The following KRT77 variants were observed in gnomAD, a reference collection of about 807,000 sequenced individuals.
KRT77 encodes the protein keratin 77, also known as keratin, type II cytoskeletal 1b.
A neutral mutation model predicts 51.5 loss-of-function variants in KRT77; 44 were observed. That is an observed-to-expected ratio of 0.85 (90% CI 0.67 to 1.10). The LOEUF (loss-of-function observed/expected upper bound fraction) is 1.10, where lower values mean the gene tolerates loss of function less well. Among genes scored for constraint, KRT77 ranks in the 50% least tolerant of loss-of-function variants. The pLI is 0.00. For missense variants in KRT77, 763 were observed against 743.9 expected (o/e 1.03, Z -0.30); for synonymous variants, 293 against 302.0 (o/e 0.97, Z 0.31).
intron 1 of KRT77, among the ~76,000 whole-genome samples, chr12:52,702,418 CAT>C (rs1491462486): frequency 2.0e-5 from 3 of 147,516 alleles, no homozygotes; most frequent in East Asian, 2.0e-4. Context: ...TGTGTGTGTG[CAT>C]GTGTGTGTGT....
Position 52,696,431 on chromosome 12 carries a change from C to T in KRT77, c.759-1G>A, listed in dbSNP as rs1361369832. On this transcript the variant is annotated splice_acceptor_variant, in intron 2 of 8. Coordinates refer to ENST00000341809, the MANE Select transcript of KRT77 (RefSeq NM_175078.3). LOFTEE classifies it high-confidence loss of function. ...CCTCTTGTTGATTTCATCCTCATAC[C>T]TGTCAGGCGAGGCAAAGGAGCACAG... is the stretch of plus-strand genomic sequence containing the variant. 1.9e-6 allele frequency: 3 copies of T among 1,614,090 alleles called. No homozygotes were observed. Among genetic ancestry groups the T allele is most frequent in the South Asian group, 1.1e-5 (1 of 91,088 alleles).
In KRT77 at chr12:52,702,993, G is replaced by A; in HGVS notation, c.442C>T (p.Pro148Ser). 6.2e-7 allele frequency: 1 copy of A among 1,613,948 alleles called. No individual in the cohort carries two copies. Among genetic ancestry groups the A allele is most frequent in the Non-Finnish European group, 8.5e-7 (1 of 1,179,998 alleles). The change falls in exon 1 of 9, where the codon CCA becomes TCA. Residue 148 changes from proline to serine, a missense_variant. Coordinates refer to ENST00000341809, the MANE Select transcript of KRT77 (RefSeq NM_175078.3). ...TCAGGGTCCACCTCCAGGTGAAGTG[G>A]CTCTAGGAGGCTCTGGTTAATGGTC... ...EVTINQSLLEPLHLEVDPEIQ... is the reference protein window; with the variant it reads ...EVTINQSLLESLHLEVDPEIQ...
chr12:52,703,425 G>A lies in KRT77; in HGVS notation c.10C>T (p.Gln4Ter). Residue 4 changes from glutamine (Q) to a stop codon, truncating the protein, a stop_gained, in exon 1 of 9, where the codon CAA becomes TAA. Transcript: ENST00000341809. LOFTEE classifies it high-confidence loss of function. ...CTAAACGCGGACTGAGAACTAAATT[G>A]GTGGCTCATGTTTGCTGGAGCATCC... MSH[Q>*]FSSQSAFSSM... is the part of the protein sequence containing the mutation. 4 of 1,573,854 alleles carry A rather than the reference G, an allele frequency of 2.5e-6. No homozygotes were observed. Among genetic ancestry groups the A allele is most frequent in the Non-Finnish European group, 3.5e-6 (4 of 1,154,942 alleles).
chr12:52,697,715 C>T lies in KRT77; in HGVS notation c.725G>A (p.Ser242Asn), dbSNP rs868383654. 3 of 1,614,066 alleles carry T rather than the reference C, an allele frequency of 1.9e-6. No individual in the cohort carries two copies. The South Asian group carries it at 3.3e-5, about 18-fold the overall frequency. ...EQMRQNAEVR[S>N]MQDVVEDYKS... Reference sequence around the variant, plus strand: ...GTAGTCCTCCACGACATCCTGCATGCTCCTGACCTCCGCGTTCTGGCGCAT... The same window carrying T: ...GTAGTCCTCCACGACATCCTGCATGTTCCTGACCTCCGCGTTCTGGCGCAT... Residue 242 changes from serine (S) to asparagine (N), a missense_variant, in exon 2 of 9, where the codon AGC (serine) becomes AAC (asparagine). Physicochemically the swap from Ser to Asn is conservative, Grantham distance 46. Coordinates refer to ENST00000341809, the MANE Select transcript of KRT77 (RefSeq NM_175078.3).
chr12:52,694,695 T>G lies in KRT77; in HGVS notation c.1011A>C (p.Ala337=). Residue 337 remains alanine, a synonymous_variant, in exon 5 of 9, where the codon GCA becomes GCC. Coordinates refer to ENST00000341809, the MANE Select transcript of KRT77 (RefSeq NM_175078.3). The stretch of plus-strand genomic sequence containing the variant: ...CAATCAGTTCATACTGGGTCCGCAC[T>G]GCATCGATGATGCTGTCCAGGTCCA... ...RSLDLDSIID[A]VRTQYELIAQ... The G allele has an allele frequency of 6.2e-7, 1 of 1,613,794 alleles. No individual in the cohort carries two copies. The highest frequency in any genetic ancestry group is 8.5e-7 in the Non-Finnish European group (1 of 1,179,672).
At position 52,690,913 on chromosome 12, in the gene KRT77, G is replaced by C. The variant is rs1941693549; in HGVS notation, c.*252C>G. On this transcript the variant is annotated 3_prime_UTR_variant, in exon 9 of 9. Coordinates refer to ENST00000341809, the MANE Select transcript of KRT77 (RefSeq NM_175078.3). ...AAAGGTGGGAGCAGGAACAGCAGCA[G>C]GGCCAGCAGAGCGGGGTCTGAGTGA... 1 of 580,880 alleles carries C rather than the reference G, an allele frequency of 1.7e-6. No homozygotes were observed. The highest frequency in any genetic ancestry group is 3.0e-6 in the Non-Finnish European group (1 of 332,028). The allele number at this position is 580,880 out of a possible 1,614,324, so 36.0% of individuals were successfully genotyped here.
At position 52,694,630 on chromosome 12, in the gene KRT77, G is replaced by A; in HGVS notation, c.1076C>T (p.Thr359Ile). 12 of 1,596,926 alleles carry A rather than the reference G, an allele frequency of 7.5e-6. No individual in the cohort carries two copies. Among genetic ancestry groups the A allele is most frequent in the Non-Finnish European group, 1.0e-5 (12 of 1,169,320 alleles). ...AGATCTGGGGGCCACGCCCACCTTGGTCTGGTACAGGGCTTCGGCCTCGTC... is the reference window on the plus strand; with the variant it reads ...AGATCTGGGGGCCACGCCCACCTTGATCTGGTACAGGGCTTCGGCCTCGTC... ...SKDEAEALYQ[T>I]KYQELQITAG... Residue 359 changes from threonine to isoleucine, a missense_variant, in exon 5 of 9, where the codon ACC (threonine) becomes ATC (isoleucine). Coordinates refer to ENST00000341809, the MANE Select transcript of KRT77 (RefSeq NM_175078.3).
Position 52,696,392 on chromosome 12 carries a change from T to C in KRT77, c.797A>G (p.Asn266Ser), listed in dbSNP as rs1240034974. 6.2e-7 allele frequency: 1 copy of C among 1,614,240 alleles called. No homozygotes were observed. The highest frequency in any genetic ancestry group is 8.5e-7 in the Non-Finnish European group (1 of 1,180,028). ...DEINKRTGSE[N>S]DFVVLKKDVD... ...CACCTTCTTCAGGACGACAAAGTCATTCTCGCTGCCAGTCCTCTTGTTGAT... is the reference window on the plus strand; with the variant it reads ...CACCTTCTTCAGGACGACAAAGTCACTCTCGCTGCCAGTCCTCTTGTTGAT... Residue 266 changes from asparagine (N) to serine (S), a missense_variant, in exon 3 of 9, where the codon AAT (asparagine) becomes AGT (serine). Transcript: ENST00000341809.
intron 1 of KRT77, among the ~76,000 whole-genome samples, chr12:52,701,633 G>A (rs1029162190): frequency 7.2e-5 from 11 of 152,218 alleles, no homozygotes; most frequent in African/African-American, 1.7e-4. Context: ...GCTAGTGGCC[G>A]CTGTGCCTCG....
intron 2 of KRT77, among the ~76,000 whole-genome samples, chr12:52,697,103 T>A (rs1401340866): frequency 1.3e-5 from 2 of 152,224 alleles, no homozygotes; most frequent in Admixed American, 1.3e-4. Context: ...GCCACAATAC[T>A]AAGAACTTAT....
At chr12:52,697,248 G>A (rs1276065838) in intron 2 of KRT77, among the ~76,000 whole-genome samples, 1 of 152,172 alleles carries the variant, frequency 6.6e-6, no homozygotes, top group East Asian at 1.9e-4. Context: ...AAAACTCAGG[G>A]GGCAGAGCCC....
intron 5 of KRT77, among the ~76,000 whole-genome samples, chr12:52,694,215 ACTAT>A (rs67681032): frequency 0.41 from 62,088 of 151,602 alleles, 12,912 homozygotes; most frequent in South Asian, 0.45. Flanking sequence ...CTCACACACT[ACTAT>A]CTATTATAAA....
chr12:52,692,839 G>T lies in KRT77; in HGVS notation c.1122C>A (p.Asp374Glu), dbSNP rs749230231. ...LQITAGRHGD[D>E]LKNSKMEIAE... ...CAATCTCCATCTTGCTGTTCTTCAG[G>T]TCGTCTCCATGTCTCCCTGCCGTGA... Residue 374 changes from aspartate (D) to glutamate (E), a missense_variant, in exon 6 of 9, where the codon GAC becomes GAA. Asp to Glu is a conservative substitution (Grantham distance 45). Transcript: ENST00000341809. The T allele has an allele frequency of 5.6e-6, 9 of 1,603,884 alleles. No homozygotes were observed. The highest frequency in any genetic ancestry group is 1.7e-4 in the Middle Eastern group (1 of 6,034).
chr12:52,694,832 C>A, intron 4 of KRT77, 42 bp from the exon 5 acceptor site: 2 of 1,496,174 alleles, frequency 1.3e-6, no homozygotes, highest in Non-Finnish European at 1.8e-6. Context: ...CCATTCTCCT[C>A]TGGGGGCCTC....
At position 52,696,449 on chromosome 12, in the gene KRT77, G is replaced by A; in HGVS notation, c.759-19C>T. The A allele has an allele frequency of 6.2e-7, 1 of 1,612,760 alleles. No individual in the cohort carries two copies. The highest frequency in any genetic ancestry group is 8.5e-7 in the Non-Finnish European group (1 of 1,178,740). On this transcript the variant is annotated intron_variant, in intron 2 of 8. Transcript: ENST00000341809. ...CTCATACCTGTCAGGCGAGGCAAAG[G>A]AGCACAGAAAGGCTGCAGGCTGACC... is the stretch of plus-strand genomic sequence containing the variant.
At chr12:52,692,940 G>A (rs1941739204) in intron 5 of KRT77, 60 bp from the exon 6 acceptor site, 3 of 1,578,812 alleles carry the variant, frequency 1.9e-6, no homozygotes, top group Admixed American at 1.7e-5. Context: ...CCCTCCAGGA[G>A]GGAGTAGGTC....
At chr12:52,691,539 C>A in intron 8 of KRT77, 100 bp from the exon 9 acceptor site, 1 of 1,368,232 alleles carries the variant, frequency 7.3e-7, no homozygotes, top group Non-Finnish European at 9.9e-7. Context: ...CTCGATCACC[C>A]GTGGCATCGA....
chr12:52,693,781 C>A (rs1005522363), intron 5 of KRT77: 4 of 150,840 alleles, frequency 2.7e-5, no homozygotes, highest in East Asian at 1.9e-4. Context: ...GTTAAAAATG[C>A]GGCAGGTTAT....
chr12:52,691,365 C>CGCCGTAGCCTCCTGA lies in KRT77; in HGVS notation c.1522_1536dup (p.Ser508_Gly512dup). 6.2e-7 allele frequency: 1 copy of CGCCGTAGCCTCCTGA among 1,602,712 alleles called. No individual in the cohort carries two copies. Among genetic ancestry groups the CGCCGTAGCCTCCTGA allele is most frequent in the Non-Finnish European group, 8.5e-7 (1 of 1,177,018 alleles). On this transcript the variant is annotated inframe_insertion, in exon 9 of 9. Transcript: ENST00000341809. ...CCGCCATAGCCCCCACCGCTGCCGC[C>CGCCGTAGCCTCCTGA]GCCGTAGCCTCCTGAGCCGTAGCTG...
Sources: allele counts gnomAD v4.1 joint callset (sites outside exome capture counted in the v4.1 genomes callset), GRCh38; gene constraint gnomAD v4.1.1; transcripts MANE v1.5; gene names NCBI Gene and HGNC (gene_info 2026-07-23, HGNC 2026-07-21).